The following NR2C2AP variants were observed in gnomAD, a reference collection of about 807,000 sequenced individuals.
The protein encoded by NR2C2AP is nuclear receptor 2C2 associated protein, also known as nuclear receptor 2C2-associated protein.
In NR2C2AP, 13 loss-of-function variants were observed where a neutral mutation model predicts 19.1. That is an observed-to-expected ratio of 0.68 (90% CI 0.44 to 1.08). The LOEUF is 1.08. NR2C2AP is among the 50% of genes least tolerant of loss of function. The pLI is 0.00. For synonymous variants in NR2C2AP, 81 were observed against 64.4 expected, an observed-to-expected ratio of 1.26 and a Z score of -1.23; for missense variants, 181 against 172.7, an observed-to-expected ratio of 1.05 and a Z score of -0.27.
chr19:19,202,156 G>GGTCCCTC, intron 4 of NR2C2AP, 115 bp from the exon 5 acceptor site: 1 of 1,267,694 alleles, frequency 7.9e-7, no homozygotes, highest in South Asian at 1.3e-5. Context: ...GGAAGCTGCA[G>GGTCCCTC]GTCCCTCTAA....
In NR2C2AP at chr19:19,202,376, G is replaced by T. The variant is rs2146524722; in HGVS notation, c.258C>A (p.Leu86=). 6.2e-7 allele frequency: 1 copy of T among 1,614,210 alleles called. No individual in the cohort carries two copies. Among genetic ancestry groups the T allele is most frequent in the East Asian group, 2.2e-5 (1 of 44,888 alleles). Residue 86 remains leucine (L), a synonymous_variant, in exon 4 of 5, where the codon CTC becomes CTA. Transcript: ENST00000331552. ...CLEGSQGTQA[L]HKIVDFYPED... Reference sequence around the variant, plus strand: ...CAGGGTAGAAATCTACAATCTTGTGGAGAGCCTGAGTGCCCTGTGAACCTT... The same window carrying T: ...CAGGGTAGAAATCTACAATCTTGTGTAGAGCCTGAGTGCCCTGTGAACCTT...
chr19:19,203,350 C>T lies in NR2C2AP; in HGVS notation c.-290G>A. On this transcript the variant is annotated 5_prime_UTR_variant, in exon 1 of 5. Coordinates refer to ENST00000331552, the MANE Select transcript of NR2C2AP (RefSeq NM_176880.6). ...TTCCCGCGGGTTTCGGGGGCGGTGG[C>T]TTTTTGTGCGAGGCTGTTTCTCTGC... 1 of 529,246 alleles carries T rather than the reference C, an allele frequency of 1.9e-6. No homozygotes were observed. The highest frequency in any genetic ancestry group is 3.4e-6 in the Non-Finnish European group (1 of 292,144). 32.8% of individuals were successfully genotyped at this position (529,246 alleles called of 1,614,324 possible).
chr19:19,202,717 C>T, intron 2 of NR2C2AP, 74 bp downstream of exon 2: 1 of 1,475,124 alleles, frequency 6.8e-7, no homozygotes, highest in Non-Finnish European at 9.5e-7. Context: ...CCATGAGGGC[C>T]CCCTGACGTT....
rs760758583 is a variant in NR2C2AP at position 19,202,854 on chromosome 19, A to C, written c.66T>G (p.Thr22=). The change falls in exon 2 of 5, where the codon ACT becomes ACG. Residue 22 remains threonine, a synonymous_variant. Coordinates refer to ENST00000331552, the MANE Select transcript of NR2C2AP (RefSeq NM_176880.6). ...AAAGATGTTTTTTTCCAAACTGCCG[A>C]GTGTTGCGATTCAGCACTGAACTCA... ...SRVSSVLNRN[T]RQFGKKHLFD... is the part of the protein sequence containing the mutation. 3 of 1,613,776 alleles carry C rather than the reference A, an allele frequency of 1.9e-6. No homozygotes were observed. The South Asian group carries it at 3.3e-5, about 18-fold the overall frequency.
rs758665206 is a variant in NR2C2AP at position 19,202,322 on chromosome 19, G to C, written c.303+9C>G. ...CAGACCACCCACCCCAGAAGCAGGG[G>C]CAGGATATCTGAAGCGAGTTGTTGT... On this transcript the variant is annotated intron_variant, in intron 4 of 4. Coordinates refer to ENST00000331552, the MANE Select transcript of NR2C2AP (RefSeq NM_176880.6). 5 of 1,613,722 alleles carry C rather than the reference G, an allele frequency of 3.1e-6. No homozygotes were observed. In the East Asian group the frequency reaches 1.1e-4, roughly 36 times the overall value.
intron 2 of NR2C2AP, 34 bp from the exon 3 acceptor site, chr19:19,202,609 C>A: frequency 6.4e-7 from 1 of 1,559,206 alleles, no homozygotes; most frequent in Non-Finnish European, 8.8e-7. Context: ...GGCGCAAGCT[C>A]ACTGCAGGCA....
At chr19:19,202,599 G>C in intron 2 of NR2C2AP, 24 bp from the exon 3 acceptor site, 2 of 1,593,920 alleles carry the variant, frequency 1.3e-6, no homozygotes, top group Non-Finnish European at 1.7e-6. Flanking sequence ...GGGAAACTGA[G>C]GCGCAAGCTC....
intron 2 of NR2C2AP, 25 bp downstream of exon 2, chr19:19,202,766 T>C: frequency 3.8e-6 from 6 of 1,594,766 alleles, no homozygotes; most frequent in Non-Finnish European, 5.2e-6. Flanking sequence ...ACCCTAGAGA[T>C]GGAGGGTCGA....
intron 4 of NR2C2AP, 58 bp from the exon 5 acceptor site, chr19:19,202,099 C>A: frequency 6.3e-7 from 1 of 1,577,522 alleles, no homozygotes; most frequent in South Asian, 1.1e-5. Flanking sequence ...CGCAGGCCCC[C>A]ACCCCTTCCA....
chr19:19,202,880 C>A lies in NR2C2AP; in HGVS notation c.40G>T (p.Val14Leu), dbSNP rs1204398237. Residue 14 changes from valine (V) to leucine (L), a missense_variant and splice_region_variant, in exon 2 of 5, where the codon GTG becomes TTG. Transcript: ENST00000331552. ...SLVCPETVSR[V>L]SSVLNRNTRQ... The stretch of plus-strand genomic sequence containing the variant: ...GTGTTGCGATTCAGCACTGAACTCA[C>A]CCTGGAGGCACCAGGATCAAGGCGA... 6 of 1,613,244 alleles carry A rather than the reference C, an allele frequency of 3.7e-6. No individual in the cohort carries two copies. Among genetic ancestry groups the A allele is most frequent in the Non-Finnish European group, 5.1e-6 (6 of 1,179,650 alleles).
Position 19,202,806 on chromosome 19 carries a change from A to G in NR2C2AP, c.114T>C (p.Cys38=), listed in dbSNP as rs1267168686. Residue 38 remains cysteine, a synonymous_variant, in exon 2 of 5, where the codon TGT becomes TGC. Transcript: ENST00000331552. ...GGCGCCTCACCTGGTCTGAGTTCCA[A>G]CATGTCTCCTCATCCTGGTCGAAAA... ...KHLFDQDEET[C]WNSDQGPSQW... is the part of the protein sequence containing the mutation. 7.4e-6 allele frequency: 12 copies of G among 1,613,706 alleles called. No homozygotes were observed. Among genetic ancestry groups the G allele is most frequent in the South Asian group, 4.4e-5 (4 of 91,084 alleles).
In NR2C2AP at chr19:19,201,951, G is replaced by T; in HGVS notation, c.394C>A (p.Leu132Met). 6.2e-7 allele frequency: 1 copy of T among 1,614,216 alleles called. No homozygotes were observed. The highest frequency in any genetic ancestry group is 1.1e-5 in the South Asian group (1 of 91,084). Residue 132 changes from leucine (L) to methionine (M), a missense_variant, in exon 5 of 5, where the codon CTG becomes ATG. Physicochemically the swap from Leu to Met is conservative, Grantham distance 15. Coordinates refer to ENST00000331552, the MANE Select transcript of NR2C2AP (RefSeq NM_176880.6). The part of the protein sequence containing the change: ...DFFGRVVIYH[L>M]RVLGEKV ...CACACCTTCTCCCCAAGCACCCGCA[G>T]GTGGTAGATGACCACACGGCCAAAA...
chr19:19,202,025 G>T lies in NR2C2AP; in HGVS notation c.320C>A (p.Ala107Asp). 2 of 1,614,182 alleles carry T rather than the reference G, an allele frequency of 1.2e-6. No homozygotes were observed. Among genetic ancestry groups the T allele is most frequent in the Non-Finnish European group, 1.7e-6 (2 of 1,180,026 alleles). The change falls in exon 5 of 5, where the codon GCT (alanine) becomes GAT (aspartate). Residue 107 changes from alanine (A) to aspartate (D), a missense_variant. Coordinates refer to ENST00000331552, the MANE Select transcript of NR2C2AP (RefSeq NM_176880.6). The part of the protein sequence containing the change: ...NNSLQTFPIP[A>D]AEVDRLKVTF... ...CACCTTCAGCCGGTCCACTTCAGCA[G>T]CTGGTATGGGGAAAGTGTGAGCGTG...
In NR2C2AP at chr19:19,202,978, C is replaced by T. The variant is rs573889405; in HGVS notation, c.38+45G>A. The T allele has an allele frequency of 5.0e-6, 8 of 1,613,506 alleles. No homozygotes were observed. The South Asian group carries it at 8.8e-5, about 18-fold the overall frequency. On this transcript the variant is annotated intron_variant, in intron 1 of 4. Coordinates refer to ENST00000331552, the MANE Select transcript of NR2C2AP (RefSeq NM_176880.6). ...CAGATCTGTCCACTGAGGGCTCGAC[C>T]CCAGGCTTAGGGCCTCGCCACTGCC...
rs2146519409 is a variant in NR2C2AP at position 19,201,459 on chromosome 19, T to C, written c.*466A>G. The stretch of plus-strand genomic sequence containing the variant: ...TATTAATTCTGAAAAGCTACAAAAG[T>C]GCATTTTTACAAACTTAGGGGAAGT... On this transcript the variant is annotated 3_prime_UTR_variant, in exon 5 of 5. Coordinates refer to ENST00000331552, the MANE Select transcript of NR2C2AP (RefSeq NM_176880.6). 6.4e-7 allele frequency: 1 copy of C among 1,550,714 alleles called. No homozygotes were observed. The highest frequency in any genetic ancestry group is 8.7e-7 in the Non-Finnish European group (1 of 1,154,326).
In NR2C2AP at chr19:19,202,560, C is replaced by A. The variant is rs937197636; in HGVS notation, c.145G>T (p.Val49Leu). ...WNSDQGPSQW[V>L]TLEFPQLIRV... is the part of the protein sequence containing the mutation. ...ATGAGCTGGGGAAACTCCAGCGTCA[C>A]CCACTGGGAGGGGCCCTGGAAGCAG... The change falls in exon 3 of 5, where the codon GTG becomes TTG. Residue 49 changes from valine to leucine, a missense_variant. Val to Leu is a conservative substitution (Grantham distance 32). Coordinates refer to ENST00000331552, the MANE Select transcript of NR2C2AP (RefSeq NM_176880.6). The A allele has an allele frequency of 1.2e-6, 2 of 1,612,968 alleles. No homozygotes were observed. The highest frequency in any genetic ancestry group is 1.7e-6 in the Non-Finnish European group (2 of 1,179,904).
chr19:19,203,182 T>A lies in NR2C2AP; in HGVS notation c.-122A>T. 1 of 977,638 alleles carries A rather than the reference T, an allele frequency of 1.0e-6. No homozygotes were observed. Among genetic ancestry groups the A allele is most frequent in the Non-Finnish European group, 1.6e-6 (1 of 628,516 alleles). The allele number at this position is 977,638 out of a possible 1,614,324, so 60.6% of individuals were successfully genotyped here. On this transcript the variant is annotated 5_prime_UTR_variant, in exon 1 of 5. Transcript: ENST00000331552. ...ACGCCTTGGCCTGAACGTCCTCACC[T>A]GTAACTTGGGACGAGAACCGCCACT...
chr19:19,203,046 C>T lies in NR2C2AP; in HGVS notation c.15G>A (p.Leu5=), dbSNP rs1464019644. Residue 5 remains leucine, a synonymous_variant, in exon 1 of 5, where the codon TTG becomes TTA. Coordinates refer to ENST00000331552, the MANE Select transcript of NR2C2AP (RefSeq NM_176880.6). MTHS[L]VCPETVSRVS... ...ACCTGCTCACTGTCTCTGGACAAAC[C>T]AAAGAGTGGGTCATGTCGGTTCCAC... The T allele has an allele frequency of 6.2e-7, 1 of 1,613,938 alleles. No homozygotes were observed. Among genetic ancestry groups the T allele is most frequent in the Non-Finnish European group, 8.5e-7 (1 of 1,179,966 alleles).
Position 19,201,656 on chromosome 19 carries a change from G to A in NR2C2AP, c.*269C>T. On this transcript the variant is annotated 3_prime_UTR_variant, in exon 5 of 5. Coordinates refer to ENST00000331552, the MANE Select transcript of NR2C2AP (RefSeq NM_176880.6). ...TTCCCTGCCCCATCTCAGTGCAACA[G>A]GTGATCGAGAACCACATCCTCAAGC... 1 of 1,614,138 alleles carries A rather than the reference G, an allele frequency of 6.2e-7. No homozygotes were observed. The highest frequency in any genetic ancestry group is 1.6e-4 in the Middle Eastern group (1 of 6,062).
Sources: allele counts gnomAD v4.1 joint callset, GRCh38; gene constraint gnomAD v4.1.1; transcripts MANE v1.5; gene names NCBI Gene and HGNC (gene_info 2026-07-23, HGNC 2026-07-21).